PLS3: variants seen among roughly 807,000 people sequenced by gnomAD.
PLS3 encodes the protein plastin 3.
A neutral mutation model predicts 46.5 loss-of-function variants in PLS3; 11 were observed. The ratio of observed to expected loss-of-function variants is 0.24; its 90% CI spans 0.15 to 0.39. The LOEUF (loss-of-function observed/expected upper bound fraction) is 0.39, where lower values mean the gene tolerates loss of function less well. Ranked by LOEUF, PLS3 falls within the 10% of genes least tolerant of loss-of-function variation. The pLI is 1.00. For synonymous variants in PLS3, 167 were observed against 162.2 expected (o/e 1.03, Z -0.22); for missense variants, 308 against 461.8 (o/e 0.67, Z 3.05).
chrX:115,580,476 T>C (rs889064563), intron 1 of PLS3, among the ~76,000 whole-genome samples: 13 of 112,419 alleles, frequency 1.2e-4, no homozygotes, highest in Non-Finnish European at 2.1e-4. Flanking sequence ...ATTGAATATA[T>C]TTGTGTAAAT....
Position 115,574,656 on chromosome X carries a change from C to T in PLS3, c.-9+13396C>T, listed in dbSNP as rs781986915. On this transcript the variant is annotated intron_variant, in intron 1 of 15. Coordinates refer to ENST00000355899, the MANE Select transcript of PLS3 (RefSeq NM_005032.7). ...GTGCAATGGCACGATCTCGGCTCAC[C>T]GTAACCTCCGCCTCCCAGATTCAAG... is the stretch of plus-strand genomic sequence containing the variant. Among the ~76,000 whole-genome samples, 167 of 110,704 alleles carry T rather than the reference C, an allele frequency of 1.5e-3. 2 individuals are homozygous for T. The highest frequency in any genetic ancestry group is 5.2e-3 in the African/African-American group (157 of 30,413).
intron 9 of PLS3, among the ~76,000 whole-genome samples, chrX:115,642,649 G>C (rs781997154): frequency 9.0e-6 from 1 of 111,401 alleles, no homozygotes; most frequent in East Asian, 2.8e-4. Flanking sequence ...CCTCAGTGAA[G>C]TTCAGCTGAG....
At chrX:115,622,751 A>G (rs1462240158) in intron 3 of PLS3, among the ~76,000 whole-genome samples, 1 of 111,321 alleles carries the variant, frequency 9.0e-6, no homozygotes, top group Non-Finnish European at 1.9e-5. Flanking sequence ...CCCGTGGTGA[A>G]CAGTGTGCTC....
At chrX:115,570,089 A>C (rs1274481643) in intron 1 of PLS3, among the ~76,000 whole-genome samples, 1 of 110,794 alleles carries the variant, frequency 9.0e-6, no homozygotes, top group East Asian at 2.9e-4. Context: ...GGCTCCTGCC[A>C]CTGTGCCCGG....
chrX:115,646,644 T>C (rs1188170498), intron 13 of PLS3, 109 bp downstream of exon 13: 2 of 683,246 alleles, frequency 2.9e-6, no homozygotes, highest in Non-Finnish European at 4.3e-6. Context: ...TTTTGAAATA[T>C]GTTATATTTA....
intron 2 of PLS3, among the ~76,000 whole-genome samples, chrX:115,611,255 A>G (rs2074545471): frequency 8.8e-6 from 1 of 113,078 alleles, no homozygotes. Context: ...TGGGAAGAAT[A>G]ATGACCCCAG....
intron 5 of PLS3, among the ~76,000 whole-genome samples, chrX:115,630,679 T>C (rs998720968): frequency 2.3e-4 from 22 of 97,469 alleles, no homozygotes; most frequent in African/African-American, 8.5e-4. Context: ...TAACTATATA[T>C]ATATAAAATA....
chrX:115,637,316 C>T (rs1256014700), intron 8 of PLS3, among the ~76,000 whole-genome samples: 3 of 111,452 alleles, frequency 2.7e-5, no homozygotes, highest in African/African-American at 9.8e-5. Flanking sequence ...TTAGTAAACA[C>T]ACCTAGAAGA....
intron 3 of PLS3, among the ~76,000 whole-genome samples, chrX:115,628,072 C>A (rs1231914391): frequency 2.7e-5 from 3 of 112,063 alleles, no homozygotes; most frequent in African/African-American, 9.7e-5. Context: ...AGACAAAATA[C>A]AACAAGGCAC....
intron 3 of PLS3, among the ~76,000 whole-genome samples, chrX:115,626,414 A>G (rs1417731974): frequency 1.8e-5 from 2 of 108,868 alleles, no homozygotes; most frequent in African/African-American, 6.7e-5. Flanking sequence ...TCTCCAGAGT[A>G]GCTGGGATTA....
At chrX:115,596,527 A>G (rs1218895715) in intron 1 of PLS3, among the ~76,000 whole-genome samples, 1 of 111,671 alleles carries the variant, frequency 9.0e-6, no homozygotes, top group Admixed American at 9.5e-5. Context: ...CTATGACCCT[A>G]TGACGCATCT....
At position 115,587,507 on chromosome X, in the gene PLS3, G is replaced by A. The variant is rs782701431; in HGVS notation, c.-8-22736G>A. ...TCCCAGCACTTTGGGAGGCCGAGGC[G>A]GGCAGATCACGAGGTCAGGAGATCG... On this transcript the variant is annotated intron_variant, in intron 1 of 15. Coordinates refer to ENST00000355899, the MANE Select transcript of PLS3 (RefSeq NM_005032.7). Among the ~76,000 whole-genome samples the A allele has an allele frequency of 6.3e-5, 7 of 111,545 alleles. No individual in the cohort carries two copies. The East Asian group carries it at 8.5e-4, about 14-fold the overall frequency.
At chrX:115,624,482 A>G (rs1448860065) in intron 3 of PLS3, 4 of 112,170 alleles carry the variant, frequency 3.6e-5, no homozygotes, top group African/African-American at 1.3e-4. Context: ...AAAGTAGCGC[A>G]GAGCAGCAGT....
intron 9 of PLS3, among the ~76,000 whole-genome samples, chrX:115,640,965 C>T (rs922146031): frequency 9.0e-6 from 1 of 111,222 alleles, no homozygotes; most frequent in Non-Finnish European, 1.9e-5. Context: ...GAATTACTCT[C>T]AGAGACCATG....
chrX:115,587,425 C>G (rs1037643606), intron 1 of PLS3, among the ~76,000 whole-genome samples: 8 of 112,083 alleles, frequency 7.1e-5, no homozygotes, highest in African/African-American at 2.3e-4. Flanking sequence ...GTGAGCTAAA[C>G]TAGCTGCCTT....
Position 115,583,997 on chromosome X carries a change from C to A in PLS3, c.-9+22737C>A, listed in dbSNP as rs1228887249. ...TCTAAAGGTGCAGAATTTAGAAATT[C>A]GTTTCAATTACCAAATCTGAGCATG... On this transcript the variant is annotated intron_variant, in intron 1 of 15. Coordinates refer to ENST00000355899, the MANE Select transcript of PLS3 (RefSeq NM_005032.7). 4.5e-5 allele frequency among the ~76,000 whole-genome samples: 5 copies of A among 111,144 alleles called. No homozygotes were observed. In the Admixed American group the frequency reaches 4.8e-4, roughly 11 times the overall value.
At chrX:115,606,179 T>C (rs1603231479) in intron 1 of PLS3, among the ~76,000 whole-genome samples, 1 of 79,083 alleles carries the variant, frequency 1.3e-5, no homozygotes, top group African/African-American at 5.1e-5. Flanking sequence ...TTTTTTTTTT[T>C]TTTTTTTTTT....
At position 115,642,224 on chromosome X, in the gene PLS3, A is replaced by G. The variant is rs782720887; in HGVS notation, c.988-1089A>G. ...AACAGTTTTACCTGTTTTTTATTTC[A>G]ATTTAACTTTTTTCTCTTCGTCTTT... On this transcript the variant is annotated intron_variant, in intron 9 of 15. Coordinates refer to ENST00000355899, the MANE Select transcript of PLS3 (RefSeq NM_005032.7). 5.3e-4 allele frequency among the ~76,000 whole-genome samples: 58 copies of G among 108,539 alleles called. 1 individual carries two copies. The South Asian group carries it at 0.023, about 43-fold the overall frequency. The allele number at this position is 108,539 out of a possible 115,157, so 94.3% of individuals were successfully genotyped here.
At chrX:115,574,609 C>T (rs782150192) in intron 1 of PLS3, among the ~76,000 whole-genome samples, 22 of 108,775 alleles carry the variant, frequency 2.0e-4, no homozygotes, top group African/African-American at 7.0e-4. Flanking sequence ...GACAGAGTTT[C>T]GCTCTTGTTG....
Sources: allele counts gnomAD v4.1 joint callset (sites outside exome capture counted in the v4.1 genomes callset), GRCh38; gene constraint gnomAD v4.1.1; transcripts MANE v1.5; gene names NCBI Gene and HGNC (gene_info 2026-07-23, HGNC 2026-07-21).